OSBPL3: variants seen among roughly 807,000 people sequenced by gnomAD.
OSBPL3 encodes the protein oxysterol binding protein like 3.
Under a neutral mutation model 120.1 loss-of-function variants are expected in OSBPL3, and 65 were observed. The observed-to-expected ratio is 0.54, with a 90% CI of 0.44 to 0.67. The LOEUF (loss-of-function observed/expected upper bound fraction) is 0.67. Ranked by LOEUF, OSBPL3 falls within the 30% of genes least tolerant of loss-of-function variation. The pLI is 0.00. For synonymous variants in OSBPL3, 416 were observed against 402.6 expected (o/e 1.03, Z -0.40); for missense variants, 1,004 against 1,082.1 (o/e 0.93, Z 1.01).
In OSBPL3 at chr7:24,862,481, C is replaced by A. The variant is rs546942789; in HGVS notation, c.871-712G>T. 2.0e-5 allele frequency among the ~76,000 whole-genome samples: 3 copies of A among 152,252 alleles called. No individual in the cohort carries two copies. The highest frequency in any genetic ancestry group is 3.9e-4 in the East Asian group (2 of 5,184). ...CCTAGGGCTTCTACAAAACAAATGA[C>A]CTTCATTTGTACATGGAACATTCTT... On this transcript the variant is annotated intron_variant, in intron 9 of 22. Transcript: ENST00000313367. This position sits in a 1 kb window ranked among gnomAD's most constrained non-coding sequence, Gnocchi z 4.4.
intron 1 of OSBPL3, among the ~76,000 whole-genome samples, chr7:24,897,513 G>A (rs576068209): frequency 4.0e-4 from 60 of 151,732 alleles, no homozygotes; most frequent in African/African-American, 1.4e-3. Flanking sequence ...TTTTAGTAGA[G>A]ACGGGGTTTC....
chr7:24,954,585 A>G (rs1248065471), intron 1 of OSBPL3, among the ~76,000 whole-genome samples: 1 of 152,144 alleles, frequency 6.6e-6, no homozygotes, highest in African/African-American at 2.4e-5. Context: ...AGAAAAAAAA[A>G]AGGTGTGGGG....
chr7:24,902,734 T>A (rs1016187762), intron 1 of OSBPL3, among the ~76,000 whole-genome samples: 16 of 147,058 alleles, frequency 1.1e-4, no homozygotes, highest in Non-Finnish European at 2.1e-4. Context: ...ATAATAATAA[T>A]AAAGAAAGGA....
intron 16 of OSBPL3, among the ~76,000 whole-genome samples, chr7:24,826,678 G>A (rs915152379): frequency 3.3e-5 from 5 of 152,120 alleles, no homozygotes; most frequent in African/African-American, 7.2e-5. Flanking sequence ...ACAGAGCGCC[G>A]TTTTGGAGAT....
rs201015341 is a variant in OSBPL3, at chr7:24,820,995, C to T, written c.1885-757G>A. Among the ~76,000 whole-genome samples, 9 of 152,324 alleles carry T rather than the reference C, an allele frequency of 5.9e-5. No individual in the cohort carries two copies. The East Asian group carries it at 1.7e-3, about 29-fold the overall frequency. ...AGGGGTCATTACTCATTTTATTCAG[C>T]AGTGAAGAGGCTGAAGAGAAAATGG... is the stretch of plus-strand genomic sequence containing the variant. On this transcript the variant is annotated intron_variant, in intron 16 of 22. Transcript: ENST00000313367. This position sits in a 1 kb window ranked among gnomAD's most constrained non-coding sequence, Gnocchi z 4.6.
In OSBPL3 at chr7:24,972,895, T is replaced by C. The variant is rs1487840402; in HGVS notation, c.-150+6991A>G. Reference sequence around the variant, plus strand: ...TTCTTGTAACTATTACAATATTTGATATCAAGACAGGAAACCAGTGTGGGA... The same window carrying C: ...TTCTTGTAACTATTACAATATTTGACATCAAGACAGGAAACCAGTGTGGGA... On this transcript the variant is annotated intron_variant, in intron 1 of 22. Coordinates refer to ENST00000313367, the MANE Select transcript of OSBPL3 (RefSeq NM_015550.4). This position sits in a 1 kb window ranked among gnomAD's most constrained non-coding sequence, Gnocchi z 4.3. Among the ~76,000 whole-genome samples the C allele has an allele frequency of 6.6e-6, 1 of 152,206 alleles. No individual in the cohort carries two copies. The highest frequency in any genetic ancestry group is 1.5e-5 in the Non-Finnish European group (1 of 68,034).
chr7:24,806,495 G>A lies in OSBPL3; in HGVS notation c.2444+281C>T, dbSNP rs1199451815. Among the ~76,000 whole-genome samples, 1 of 152,132 alleles carries A rather than the reference G, an allele frequency of 6.6e-6. No homozygotes were observed. Among genetic ancestry groups the A allele is most frequent in the Non-Finnish European group, 1.5e-5 (1 of 68,032 alleles). ...TTTTAACTTACTTACTTTACACTAAGTTCTTTATTACTGCATGCAGTAAAA... is the reference window on the plus strand; with the variant it reads ...TTTTAACTTACTTACTTTACACTAAATTCTTTATTACTGCATGCAGTAAAA... On this transcript the variant is annotated intron_variant, in intron 21 of 22. Transcript: ENST00000313367. This position sits in a 1 kb window ranked among gnomAD's most constrained non-coding sequence, Gnocchi z 5.2.
In OSBPL3 at chr7:24,833,843, G is replaced by A. The variant is rs2128178660; in HGVS notation, c.1746+643C>T. ...CAATCTCCCTACCCATGAGATGGGGGAAAGATGAGAAATACTTGGAAGCCC... is the reference window on the plus strand; with the variant it reads ...CAATCTCCCTACCCATGAGATGGGGAAAAGATGAGAAATACTTGGAAGCCC... On this transcript the variant is annotated intron_variant, in intron 15 of 22. Transcript: ENST00000313367. This position sits in a 1 kb window ranked among gnomAD's most constrained non-coding sequence, Gnocchi z 4.4. Among the ~76,000 whole-genome samples, 1 of 152,310 alleles carries A rather than the reference G, an allele frequency of 6.6e-6. No homozygotes were observed. The highest frequency in any genetic ancestry group is 3.4e-3 in the Middle Eastern group (1 of 294).
In OSBPL3 at chr7:24,922,369, G is replaced by C. The variant is rs1810498630; in HGVS notation, c.-149-29748C>G. Among the ~76,000 whole-genome samples the C allele has an allele frequency of 6.6e-6, 1 of 152,100 alleles. No individual in the cohort carries two copies. The highest frequency in any genetic ancestry group is 6.6e-5 in the Admixed American group (1 of 15,266). On this transcript the variant is annotated intron_variant, in intron 1 of 22. Coordinates refer to ENST00000313367, the MANE Select transcript of OSBPL3 (RefSeq NM_015550.4). This position sits in a 1 kb window ranked among gnomAD's most constrained non-coding sequence, Gnocchi z 4.3. ...ACCTTGAGCAAATCTGCTTCCTTGT[G>C]CCTTGATATTCTCAACCAGGGAACA...
chr7:24,865,562 G>C (rs1366507718), intron 6 of OSBPL3, 97 bp from the exon 7 acceptor site: 3 of 1,151,462 alleles, frequency 2.6e-6, no homozygotes, highest in Non-Finnish European at 3.8e-6. Flanking sequence ...GTCACTAATG[G>C]ACACCATCTG....
rs950176238 is a variant in OSBPL3 at position 24,824,271 on chromosome 7, T to C, written c.1885-4033A>G. Among the ~76,000 whole-genome samples the C allele has an allele frequency of 3.3e-5, 5 of 152,226 alleles. No homozygotes were observed. Among genetic ancestry groups the C allele is most frequent in the African/African-American group, 1.2e-4 (5 of 41,460 alleles). On this transcript the variant is annotated intron_variant, in intron 16 of 22. Transcript: ENST00000313367. This position sits in a 1 kb window ranked among gnomAD's most constrained non-coding sequence, Gnocchi z 4.9. ...AAGAATTCTGGTAATTTATAATTTA[T>C]TTATATATCTGAGGCCTTTCTTTAC... is the stretch of plus-strand genomic sequence containing the variant.
At chr7:24,826,411 C>G in intron 16 of OSBPL3, among the ~76,000 whole-genome samples, 1 of 152,114 alleles carries the variant, frequency 6.6e-6, no homozygotes, top group East Asian at 1.9e-4. Flanking sequence ...AGAACAAAGT[C>G]CTATGTGAGT....
chr7:24,878,845 G>A (rs144120889), intron 2 of OSBPL3, among the ~76,000 whole-genome samples: 16 of 152,172 alleles, frequency 1.1e-4, no homozygotes, highest in African/African-American at 1.4e-4. Flanking sequence ...AGTTCAGTAG[G>A]TCTGGGGGAG....
At chr7:24,809,675 C>T in intron 20 of OSBPL3, 132 bp downstream of exon 20, 1 of 778,726 alleles carries the variant, frequency 1.3e-6, no homozygotes, top group Non-Finnish European at 2.1e-6. Flanking sequence ...AGGGCCTACA[C>T]CTCTAACCTA....
In OSBPL3 at chr7:24,953,951, A is replaced by G. The variant is rs1031214253; in HGVS notation, c.-150+25935T>C. ...ATCAACAGTCTGGAACACTTTCTCA[A>G]TCACCAGATGAACCTTAGAACAAAC... On this transcript the variant is annotated intron_variant, in intron 1 of 22. Transcript: ENST00000313367. The surrounding 1 kb of genome is among the most constrained non-coding windows in gnomAD (Gnocchi z 4.3). Among the ~76,000 whole-genome samples, 5 of 152,216 alleles carry G rather than the reference A, an allele frequency of 3.3e-5. No homozygotes were observed. Among genetic ancestry groups the G allele is most frequent in the African/African-American group, 1.2e-4 (5 of 41,454 alleles).
intron 1 of OSBPL3, among the ~76,000 whole-genome samples, chr7:24,897,077 G>A (rs1806248114): frequency 1.4e-5 from 2 of 146,284 alleles, no homozygotes; most frequent in African/African-American, 2.5e-5. Flanking sequence ...GGGAGGGAGG[G>A]AAGAGAGGGA....
chr7:24,870,302 A>G (rs1290186396), intron 5 of OSBPL3, among the ~76,000 whole-genome samples: 1 of 152,226 alleles, frequency 6.6e-6, no homozygotes, highest in Non-Finnish European at 1.5e-5. Flanking sequence ...TTTCACTACA[A>G]TATGAGAATT....
In OSBPL3 at chr7:24,896,550, A is replaced by AT. The variant is rs1422506848; in HGVS notation, c.-149-3930dup. ...TCAAGTATTTTGGCAACAAAGGCTGATTTTAAGACTCATGTTAGTAGGTTT... is the reference window on the plus strand; with the variant it reads ...TCAAGTATTTTGGCAACAAAGGCTGATTTTTAAGACTCATGTTAGTAGGTTT... On this transcript the variant is annotated intron_variant, in intron 1 of 22. Transcript: ENST00000313367. The surrounding 1 kb of genome is among the most constrained non-coding windows in gnomAD (Gnocchi z 4.4). Among the ~76,000 whole-genome samples, 1 of 152,240 alleles carries AT rather than the reference A, an allele frequency of 6.6e-6. No homozygotes were observed. The highest frequency in any genetic ancestry group is 2.4e-5 in the African/African-American group (1 of 41,464).
At position 24,940,834 on chromosome 7, in the gene OSBPL3, G is replaced by A. The variant is rs1469746612; in HGVS notation, c.-150+39052C>T. Among the ~76,000 whole-genome samples, 1 of 144,626 alleles carries A rather than the reference G, an allele frequency of 6.9e-6. No homozygotes were observed. Among genetic ancestry groups the A allele is most frequent in the Admixed American group, 6.9e-5 (1 of 14,546 alleles). The allele number at this position is 144,626 out of a possible 152,430, so 94.9% of individuals were successfully genotyped here. ...CTTTTTTTTCTTTTTTTTTTTGTGT[G>A]TGTGTGACGGAGTCTCGCTCTGTCG... On this transcript the variant is annotated intron_variant, in intron 1 of 22. Coordinates refer to ENST00000313367, the MANE Select transcript of OSBPL3 (RefSeq NM_015550.4). The surrounding 1 kb of genome is among the most constrained non-coding windows in gnomAD (Gnocchi z 4.4).
Sources: gnomAD v4.1 joint callset for allele counts (sites outside exome capture counted in the v4.1 genomes callset) on GRCh38, gnomAD v4.1.1 for gene constraint, Gnocchi (gnomAD v3.1) non-coding constraint, MANE v1.5 for transcripts, NCBI Gene and HGNC (gene_info 2026-07-23, HGNC 2026-07-21) for gene names.